Variants in F13A1 observed in about 807,000 individuals in gnomAD.
The protein encoded by F13A1 is coagulation factor XIII A chain, also known as FSF, A subunit.
F13A1 carries 47 observed loss-of-function variants against 80.1 expected under a neutral mutation model. The observed-to-expected ratio is 0.59, with a 90% CI of 0.46 to 0.75. The LOEUF is 0.75. Ranked by LOEUF, F13A1 falls within the 30% of genes least tolerant of loss-of-function variation. F13A1 has a pLI of 0.00. For synonymous variants in F13A1, 349 were observed against 344.9 expected (o/e 1.01, Z -0.13); for missense variants, 817 against 930.4 (o/e 0.88, Z 1.59).
intron 6 of F13A1, among the ~76,000 whole-genome samples, chr6:6,233,605 A>C (rs1305610941): frequency 1.3e-5 from 2 of 152,176 alleles, no homozygotes; most frequent in Non-Finnish European, 2.9e-5. Context: ...CTATGAAGCC[A>C]GCATCACCCT....
intron 6 of F13A1, among the ~76,000 whole-genome samples, chr6:6,233,266 A>T (rs1454999582): frequency 6.6e-6 from 1 of 152,166 alleles, no homozygotes; most frequent in African/African-American, 2.4e-5. Context: ...AACAGGAGAT[A>T]TTACAACTGA....
At chr6:6,164,563 A>G (rs1429554190) in intron 13 of F13A1, among the ~76,000 whole-genome samples, 4 of 152,054 alleles carry the variant, frequency 2.6e-5, no homozygotes, top group African/African-American at 9.7e-5. Flanking sequence ...TGTTTTATAC[A>G]ATTTATCTGA....
chr6:6,175,052 C>T (rs1308495393), intron 11 of F13A1, among the ~76,000 whole-genome samples, 185 bp from the exon 12 acceptor site: 1 of 152,168 alleles, frequency 6.6e-6, no homozygotes, highest in Non-Finnish European at 1.5e-5. Flanking sequence ...GATTGCCAGA[C>T]AGTCAGTGAC....
At chr6:6,167,890 T>C (rs187251215) in intron 12 of F13A1, among the ~76,000 whole-genome samples, 1 of 152,320 alleles carries the variant, frequency 6.6e-6, no homozygotes, top group Admixed American at 6.5e-5. Flanking sequence ...GTAAAAGAAA[T>C]GCCATGGAAA....
intron 6 of F13A1, among the ~76,000 whole-genome samples, chr6:6,244,925 G>A (rs1489401463): frequency 6.6e-6 from 1 of 152,146 alleles, no homozygotes; most frequent in Admixed American, 6.5e-5. Context: ...AGACAGATTC[G>A]CTATGCAGGT....
intron 3 of F13A1, among the ~76,000 whole-genome samples, chr6:6,288,694 G>A (rs927596060): frequency 2.6e-5 from 4 of 152,148 alleles, no homozygotes; most frequent in African/African-American, 4.8e-5. Flanking sequence ...GCTGAATCAC[G>A]TTAGTTCTAT....
chr6:6,209,920 C>T (rs113905657), intron 8 of F13A1, among the ~76,000 whole-genome samples: 3,381 of 152,142 alleles, frequency 0.022, 117 homozygotes, highest in African/African-American at 0.075. Context: ...GATGGTTATA[C>T]AAGACCACAA....
At chr6:6,319,730 A>G (rs1758743951) in intron 1 of F13A1, among the ~76,000 whole-genome samples, 1 of 152,184 alleles carries the variant, frequency 6.6e-6, no homozygotes, top group African/African-American at 2.4e-5. Flanking sequence ...GGTTCCAGAG[A>G]CATGTGGAGC....
At chr6:6,318,252 T>G (rs1201352561) in intron 2 of F13A1, among the ~76,000 whole-genome samples, 1 of 152,236 alleles carries the variant, frequency 6.6e-6, no homozygotes, top group Non-Finnish European at 1.5e-5. Context: ...TCCAGCACTC[T>G]GGTTTTGTAG....
rs761764954 is a variant in F13A1 at position 6,266,510 on chromosome 6, C to G, written c.571+48G>C. On this transcript the variant is annotated intron_variant, in intron 4 of 14. Transcript: ENST00000264870. ...TATAGGCATGTGCCATGGCACCCCG[C>G]CAAATAGGTGAATTTTTAAATGAGA... is the stretch of plus-strand genomic sequence containing the variant. 38 of 1,613,968 alleles carry G rather than the reference C, an allele frequency of 2.4e-5. No homozygotes were observed. In the Admixed American group the frequency reaches 6.3e-4, roughly 27 times the overall value.
At position 6,266,694 on chromosome 6, in the gene F13A1, C is replaced by T. The variant is rs773891004; in HGVS notation, c.435G>A (p.Leu145=). ...IVMREDRSVR[L]SIQSSPKCIV... ...TACATTTGGGGGAAGACTGGATGGA[C>T]AGCCGCACAGACCTGTCCTCTCTCA... is the stretch of plus-strand genomic sequence containing the variant. Residue 145 remains leucine (L), a synonymous_variant, in exon 4 of 15, where the codon CTG becomes CTA. Transcript: ENST00000264870. The T allele has an allele frequency of 3.7e-6, 6 of 1,614,074 alleles. No homozygotes were observed. Among genetic ancestry groups the T allele is most frequent in the Non-Finnish European group, 4.2e-6 (5 of 1,180,052 alleles).
chr6:6,166,308 C>T (rs543444034), intron 13 of F13A1, among the ~76,000 whole-genome samples: 1 of 152,332 alleles, frequency 6.6e-6, no homozygotes, highest in South Asian at 2.1e-4. Flanking sequence ...ACCCAAGAAA[C>T]ACTGCCATTC....
chr6:6,221,672 A>G (rs2113058003), intron 8 of F13A1, among the ~76,000 whole-genome samples: 1 of 152,336 alleles, frequency 6.6e-6, no homozygotes, highest in East Asian at 1.9e-4. Context: ...TAGCTCTATT[A>G]GTCCCAGGGC....
At chr6:6,209,362 A>G (rs912342046) in intron 8 of F13A1, among the ~76,000 whole-genome samples, 5 of 151,948 alleles carry the variant, frequency 3.3e-5, no homozygotes, top group Non-Finnish European at 7.4e-5. Flanking sequence ...GTTATTTGCA[A>G]GAATATGAAG....
rs552702177 is a variant in F13A1 at position 6,237,186 on chromosome 6, G to C, written c.798+11126C>G. On this transcript the variant is annotated intron_variant, in intron 6 of 14. Coordinates refer to ENST00000264870, the MANE Select transcript of F13A1 (RefSeq NM_000129.4). ...AAAAAATAAAATTTAAAAGGTCACAGTTCTGGGAATGTAGAGATCTGTTTT... is the reference window on the plus strand; with the variant it reads ...AAAAAATAAAATTTAAAAGGTCACACTTCTGGGAATGTAGAGATCTGTTTT... Among the ~76,000 whole-genome samples the C allele has an allele frequency of 2.6e-5, 4 of 152,166 alleles. No homozygotes were observed. The East Asian group carries it at 7.7e-4, about 29-fold the overall frequency.
intron 12 of F13A1, among the ~76,000 whole-genome samples, chr6:6,168,573 C>T (rs889945982): frequency 5.9e-5 from 9 of 152,326 alleles, no homozygotes; most frequent in Admixed American, 2.6e-4. Flanking sequence ...TTCCTCCATC[C>T]CCAGCCACAG....
intron 2 of F13A1, among the ~76,000 whole-genome samples, chr6:6,307,373 A>T (rs531927205): frequency 5.3e-5 from 8 of 152,272 alleles, no homozygotes; most frequent in African/African-American, 1.9e-4. Flanking sequence ...AAGATGTTTA[A>T]TTCTCTAGAC....
intron 13 of F13A1, among the ~76,000 whole-genome samples, chr6:6,161,066 G>A (rs996897742): frequency 6.6e-6 from 1 of 152,182 alleles, no homozygotes; most frequent in Admixed American, 6.5e-5. Context: ...CTCCTGAGCT[G>A]CTTTAGAATG....
intron 14 of F13A1, among the ~76,000 whole-genome samples, chr6:6,149,860 C>T (rs189592718): frequency 2.6e-5 from 4 of 152,242 alleles, no homozygotes; most frequent in Admixed American, 1.3e-4. Flanking sequence ...CATCTGTGTC[C>T]AAGAAGGGAC....
Sources: gnomAD v4.1 joint callset for allele counts (sites outside exome capture counted in the v4.1 genomes callset) on GRCh38, gnomAD v4.1.1 for gene constraint, MANE v1.5 for transcripts, NCBI Gene and HGNC (gene_info 2026-07-23, HGNC 2026-07-21) for gene names.